NUP210L: variants seen among roughly 807,000 people sequenced by gnomAD.
NUP210L encodes the protein nucleoporin 210 like, also known as nuclear pore membrane glycoprotein 210-like.
NUP210L carries 74 observed loss-of-function variants against 208.5 expected under a neutral mutation model. The observed-to-expected ratio is 0.35, with a 90% confidence interval of 0.29 to 0.43. NUP210L has a LOEUF of 0.43. Ranked by LOEUF, NUP210L falls within the 20% of genes least tolerant of loss-of-function variation. The pLI, the probability that NUP210L is intolerant of heterozygous loss-of-function variation, is 1.00. For missense variants in NUP210L, 1,843 were observed against 2,289.4 expected (o/e 0.81, Z 3.98); for synonymous variants, 780 against 816.9 (o/e 0.95, Z 0.77).
At chr1:154,135,928 G>A in exon 7 of NUP210L, 2 of 1,603,760 alleles carry the variant, frequency 1.2e-6, no homozygotes, top group Non-Finnish European at 1.7e-6. Flanking sequence ...GCAACTCTAT[G>A]GTCTTGCAAT....
chr1:154,060,618 T>A (rs1357265517), exon 20 of NUP210L: 2 of 1,612,442 alleles, frequency 1.2e-6, no homozygotes, highest in East Asian at 4.5e-5. Context: ...AATAACCAGA[T>A]CCTTCCACAA....
Position 154,139,796 on chromosome 1 carries a change from T to C in NUP210L, c.717+6A>G, listed in dbSNP as rs777305348. On this transcript the variant is annotated splice_donor_region_variant and intron_variant, in intron 5 of 39. Transcript: ENST00000368559. ...AAGGAAAATTTATAGCACACAAACT[T>C]TTTACCTTATAGAATGGTTCATGAA... 6.2e-7 allele frequency: 1 copy of C among 1,610,730 alleles called. No individual in the cohort carries two copies. Among genetic ancestry groups the C allele is most frequent in the Admixed American group, 1.7e-5 (1 of 59,240 alleles).
intron 25 of NUP210L, 47 bp downstream of exon 25, chr1:154,054,181 G>C (rs746329639): frequency 6.3e-7 from 1 of 1,596,408 alleles, no homozygotes; most frequent in Non-Finnish European, 8.6e-7. Flanking sequence ...CCACAGTATG[G>C]TTCCTCAATA....
At chr1:154,106,668 G>T (rs892948947) in intron 12 of NUP210L, among the ~76,000 whole-genome samples, 1 of 152,206 alleles carries the variant, frequency 6.6e-6, no homozygotes, top group African/African-American at 2.4e-5. Flanking sequence ...GGGAGAGAGA[G>T]AGACTCTGTT....
chr1:154,058,437 T>C, intron 21 of NUP210L, 128 bp downstream of exon 21: 1 of 1,172,216 alleles, frequency 8.5e-7, no homozygotes, highest in Non-Finnish European at 1.2e-6. Context: ...TAAGGGCAGG[T>C]ATTTCCATTA....
At chr1:154,050,189 A>C (rs1339306164) in intron 25 of NUP210L, among the ~76,000 whole-genome samples, 2 of 152,232 alleles carry the variant, frequency 1.3e-5, no homozygotes, top group African/African-American at 2.4e-5. Flanking sequence ...GTGCCACAGA[A>C]AGTAACCATA....
chr1:154,091,072 T>C (rs1323054737), intron 15 of NUP210L, among the ~76,000 whole-genome samples: 2 of 2,380 alleles, frequency 8.4e-4, no homozygotes, highest in African/African-American at 1.3e-3. Context: ...ATTATTGCTG[T>C]TATTATTATT....
rs186444797 is a variant in NUP210L at position 154,080,283 on chromosome 1, C to T, written c.2361+9138G>A. The stretch of plus-strand genomic sequence containing the variant: ...GCTGAGGCAGGACAATCGTTTGAAC[C>T]TGGGAGGCGGAGGTTGCAGTGAACC... On this transcript the variant is annotated intron_variant, in intron 16 of 39. Transcript: ENST00000368559. Among the ~76,000 whole-genome samples, 84 of 151,862 alleles carry T rather than the reference C, an allele frequency of 5.5e-4. 1 individual carries two copies. The highest frequency in any genetic ancestry group is 2.9e-3 in the Admixed American group (44 of 15,228).
At chr1:154,112,852 T>C (rs1657108034) in intron 12 of NUP210L, among the ~76,000 whole-genome samples, 1 of 126,986 alleles carries the variant, frequency 7.9e-6, no homozygotes, top group Non-Finnish European at 1.6e-5. Context: ...TGAGACCCTG[T>C]CTGGGGAAAA....
chr1:153,993,210 C>T (rs1649579858), intron 38 of NUP210L, 121 bp from the exon 39 acceptor site: 2 of 622,144 alleles, frequency 3.2e-6, no homozygotes, highest in Non-Finnish European at 5.4e-6. Flanking sequence ...AGTAATGGCA[C>T]TATTACAGGA....
At chr1:154,104,679 C>A (rs142007990) in intron 12 of NUP210L, 1 of 152,774 alleles carries the variant, frequency 6.5e-6, no homozygotes, top group Admixed American at 6.5e-5. Flanking sequence ...TTTAGACCAG[C>A]GCTAGCCAAA....
chr1:154,071,627 CTTTTTTT>C (rs893742878), intron 16 of NUP210L, among the ~76,000 whole-genome samples: 13 of 99,798 alleles, frequency 1.3e-4, no homozygotes, highest in East Asian at 3.4e-4. Context: ...CAATTCATTC[CTTTTTTT>C]TTTTTTTTTT....
chr1:154,054,704 G>T, intron 24 of NUP210L, 66 bp downstream of exon 24: 3 of 1,083,684 alleles, frequency 2.8e-6, no homozygotes, highest in Non-Finnish European at 4.3e-6. Context: ...AGAGGTGTGT[G>T]TGTGTGAGAG....
At chr1:154,025,109 T>C (rs549273266) in intron 30 of NUP210L, among the ~76,000 whole-genome samples, 3 of 151,632 alleles carry the variant, frequency 2.0e-5, no homozygotes, top group South Asian at 2.1e-4. Context: ...TTTGTATTTT[T>C]AGTAGAGAAG....
At chr1:154,145,098 A>ATTC in intron 2 of NUP210L, among the ~76,000 whole-genome samples, 1 of 151,568 alleles carries the variant, frequency 6.6e-6, no homozygotes, top group South Asian at 2.1e-4. Flanking sequence ...ACAGAGTGAG[A>ATTC]CTGTCTCAAA....
chr1:154,072,522 T>C (rs554352262), intron 16 of NUP210L, among the ~76,000 whole-genome samples: 27 of 151,806 alleles, frequency 1.8e-4, no homozygotes, highest in East Asian at 3.9e-4. Context: ...TTAGTAGAGA[T>C]GGGGTTTCAC....
chr1:154,132,158 A>G lies in NUP210L; in HGVS notation c.1010-2813T>C, dbSNP rs549288103. Among the ~76,000 whole-genome samples the G allele has an allele frequency of 2.2e-4, 34 of 152,184 alleles. No individual in the cohort carries two copies. In the South Asian group the frequency reaches 6.4e-3, roughly 29 times the overall value. ...AAGCATTCCTTCAGATCCTCCTCAC[A>G]CGTTCTCTTTTCCCATACGAACCTT... On this transcript the variant is annotated intron_variant, in intron 7 of 39. Coordinates refer to ENST00000368559, the Ensembl canonical transcript of NUP210L.
chr1:154,035,698 T>C (rs1213615988), intron 27 of NUP210L, among the ~76,000 whole-genome samples: 1 of 151,758 alleles, frequency 6.6e-6, no homozygotes, highest in Non-Finnish European at 1.5e-5. Flanking sequence ...CTACTTTTTT[T>C]TGATGTAGGC....
intron 35 of NUP210L, among the ~76,000 whole-genome samples, chr1:154,005,040 G>T (rs1190934393): frequency 6.7e-6 from 1 of 149,796 alleles, no homozygotes; most frequent in African/African-American, 2.5e-5. Context: ...TTTTAGTAGA[G>T]ACAGGGTTTC....
Sources: gnomAD v4.1 joint callset for allele counts (sites outside exome capture counted in the v4.1 genomes callset) on GRCh38, gnomAD v4.1.1 for gene constraint, MANE v1.5 for transcripts, NCBI Gene and HGNC (gene_info 2026-07-23, HGNC 2026-07-21) for gene names.